CBFA2T2: variants seen among roughly 807,000 people sequenced by gnomAD.
CBFA2T2 encodes CBFA2/RUNX1 partner transcriptional co-repressor 2.
In CBFA2T2, 11 loss-of-function variants were observed where a neutral mutation model predicts 62.2. The observed-to-expected ratio is 0.18, with a 90% CI of 0.11 to 0.29. The LOEUF (loss-of-function observed/expected upper bound fraction) is 0.29. Ranked by LOEUF, CBFA2T2 falls within the 10% of genes least tolerant of loss-of-function variation. CBFA2T2 has a pLI of 1.00. For synonymous variants in CBFA2T2, 295 were observed against 287.5 expected, an observed-to-expected ratio of 1.03 and a Z score of -0.27; for missense variants, 592 against 774.1, an observed-to-expected ratio of 0.76 and a Z score of 2.79.
chr20:33,582,023 AG>A (rs2014140768), intron 1 of CBFA2T2, among the ~76,000 whole-genome samples: 2 of 152,196 alleles, frequency 1.3e-5, no homozygotes, highest in Admixed American at 6.5e-5. Context: ...TGTACTTATA[AG>A]ATTCAGCTAA....
intron 1 of CBFA2T2, among the ~76,000 whole-genome samples, chr20:33,496,529 G>A (rs2011200421): frequency 6.6e-6 from 1 of 152,148 alleles, no homozygotes; most frequent in South Asian, 2.1e-4. Flanking sequence ...CATTAGTGTC[G>A]AGAAAGGTAT....
At position 33,629,708 on chromosome 20, in the gene CBFA2T2, C is replaced by T. The variant is rs781111726; in HGVS notation, c.1033-11C>T. On this transcript the variant is annotated splice_polypyrimidine_tract_variant and intron_variant, in intron 7 of 10. Transcript: ENST00000342704. Reference sequence around the variant, plus strand: ...TTATCTCATCTCTGCCTGGCCCCCTCTGTGACTCAGGCGCTGAATTGCATT... The same window carrying T: ...TTATCTCATCTCTGCCTGGCCCCCTTTGTGACTCAGGCGCTGAATTGCATT... The T allele has an allele frequency of 6.2e-7, 1 of 1,609,036 alleles. No individual in the cohort carries two copies. Among genetic ancestry groups the T allele is most frequent in the Non-Finnish European group, 8.5e-7 (1 of 1,177,592 alleles).
At chr20:33,633,805 G>A (rs972323498) in intron 8 of CBFA2T2, among the ~76,000 whole-genome samples, 2 of 152,124 alleles carry the variant, frequency 1.3e-5, no homozygotes, top group Non-Finnish European at 2.9e-5. Context: ...ACTATGGCTT[G>A]CCATGACTTA....
intron 1 of CBFA2T2, among the ~76,000 whole-genome samples, chr20:33,598,786 A>G (rs1219464131): frequency 2.6e-5 from 4 of 152,232 alleles, no homozygotes; most frequent in Non-Finnish European, 5.9e-5. Flanking sequence ...GGCATAAGAA[A>G]TAAAAGTATT....
chr20:33,631,073 C>T (rs895277606), intron 8 of CBFA2T2, among the ~76,000 whole-genome samples: 7 of 151,866 alleles, frequency 4.6e-5, no homozygotes, highest in South Asian at 4.2e-4. Context: ...CCAGCACTTT[C>T]GGAGGCTGAG....
Position 33,623,446 on chromosome 20 carries a change from G to T in CBFA2T2, c.692+150G>T, listed in dbSNP as rs570339081. 7.0e-6 allele frequency: 6 copies of T among 859,844 alleles called. No homozygotes were observed. The East Asian group carries it at 1.6e-4, about 23-fold the overall frequency. 53.3% of individuals were successfully genotyped at this position (859,844 alleles called of 1,614,324 possible). ...CTGGCTCTGTCGCCCAGACTGGAGC[G>T]CAGTGGTGCAATCTTTGCTCCCTGC... On this transcript the variant is annotated intron_variant, in intron 5 of 10. Coordinates refer to ENST00000342704, the MANE Select transcript of CBFA2T2 (RefSeq NM_001032999.3).
chr20:33,490,579 G>T (rs918456766), intron 1 of CBFA2T2, among the ~76,000 whole-genome samples: 2 of 152,218 alleles, frequency 1.3e-5, no homozygotes, highest in Non-Finnish European at 2.9e-5. Flanking sequence ...GCGTCCATGG[G>T]ACTTGCCGGC....
chr20:33,505,575 G>A (rs949776207), intron 1 of CBFA2T2, among the ~76,000 whole-genome samples: 1 of 152,130 alleles, frequency 6.6e-6, no homozygotes, highest in East Asian at 1.9e-4. Context: ...CTGGAGGTCA[G>A]GAGTTCGAGA....
At chr20:33,524,930 G>A (rs890048842) in intron 1 of CBFA2T2, among the ~76,000 whole-genome samples, 1 of 152,272 alleles carries the variant, frequency 6.6e-6, no homozygotes. Context: ...TGCCTCCCGG[G>A]TTCAAGCAAT....
chr20:33,581,692 G>A (rs2014122382), intron 1 of CBFA2T2, among the ~76,000 whole-genome samples: 1 of 152,200 alleles, frequency 6.6e-6, no homozygotes, highest in African/African-American at 2.4e-5. Context: ...TTAACCACAT[G>A]TGATTGGTAA....
At chr20:33,507,485 C>T (rs2011423999) in intron 1 of CBFA2T2, among the ~76,000 whole-genome samples, 1 of 152,150 alleles carries the variant, frequency 6.6e-6, no homozygotes, top group African/African-American at 2.4e-5. Context: ...AATTTTTGGA[C>T]TGGCTATGTA....
intron 1 of CBFA2T2, among the ~76,000 whole-genome samples, chr20:33,600,156 C>T (rs1157266973): frequency 1.5e-5 from 2 of 135,340 alleles, no homozygotes; most frequent in African/African-American, 5.5e-5. Flanking sequence ...CCATCTTTAG[C>T]AAGTTAGAAT....
chr20:33,598,672 T>C (rs2014994593), intron 1 of CBFA2T2, among the ~76,000 whole-genome samples: 1 of 152,104 alleles, frequency 6.6e-6, no homozygotes, highest in African/African-American at 2.4e-5. Flanking sequence ...GATTAAGAGA[T>C]TAAAGTAAAG....
Position 33,646,400 on chromosome 20 carries a change from A to T in CBFA2T2, c.*1754A>T, listed in dbSNP as rs550646414. The T allele has an allele frequency of 6.6e-6, 1 of 152,306 alleles. No individual in the cohort carries two copies. The highest frequency in any genetic ancestry group is 6.5e-5 in the Admixed American group (1 of 15,286). The allele number at this position is 152,306 out of a possible 1,614,324, so 9.4% of individuals were successfully genotyped here. A position where few individuals can be genotyped will look rare whatever the true frequency, so the allele number is the denominator to read the frequency against. ...TCACACCCAGAAATCAGTTGGAGTA[A>T]GTTTAATTGGCCCTGCTCCAGCTGG... On this transcript the variant is annotated 3_prime_UTR_variant, in exon 11 of 11. Coordinates refer to ENST00000342704, the MANE Select transcript of CBFA2T2 (RefSeq NM_001032999.3).
Position 33,554,577 on chromosome 20 carries a change from T to C in CBFA2T2, c.35-52379T>C, listed in dbSNP as rs544112523. Among the ~76,000 whole-genome samples the C allele has an allele frequency of 3.4e-5, 5 of 148,152 alleles. No homozygotes were observed. In the East Asian group the frequency reaches 5.8e-4, roughly 17 times the overall value. ...TTTTCTTTTTTCTTTTCTTTTCTTT[T>C]CTTTCCTTTTCCTTTTTCTTTTCTT... On this transcript the variant is annotated intron_variant, in intron 1 of 10. Coordinates refer to ENST00000342704, the MANE Select transcript of CBFA2T2 (RefSeq NM_001032999.3).
At chr20:33,587,296 C>A (rs2014413187) in intron 1 of CBFA2T2, among the ~76,000 whole-genome samples, 1 of 149,218 alleles carries the variant, frequency 6.7e-6, no homozygotes, top group South Asian at 2.1e-4. Context: ...GAGATGGAGT[C>A]CTGCTCTGTC....
chr20:33,580,527 C>T (rs151073592), intron 1 of CBFA2T2, among the ~76,000 whole-genome samples: 2 of 152,118 alleles, frequency 1.3e-5, no homozygotes, highest in African/African-American at 4.8e-5. Flanking sequence ...TTTTTATATT[C>T]TTCATTACGC....
At chr20:33,544,975 T>TAGAACAGAACAGAACAGAACAGAAC (rs1568810874) in intron 1 of CBFA2T2, among the ~76,000 whole-genome samples, 2 of 135,522 alleles carry the variant, frequency 1.5e-5, no homozygotes, top group African/African-American at 7.0e-5. Flanking sequence ...TAGAATAGAA[T>TAGAACAGAACAGAACAGAACAGAAC]AGAATAGAAT....
chr20:33,606,066 G>A (rs776322677), intron 1 of CBFA2T2, among the ~76,000 whole-genome samples: 10 of 152,150 alleles, frequency 6.6e-5, no homozygotes, highest in Admixed American at 1.3e-4. Flanking sequence ...TGATCCACCC[G>A]CCTCAGCCTC....
Sources: gnomAD v4.1 joint callset for allele counts (sites outside exome capture counted in the v4.1 genomes callset) on GRCh38, gnomAD v4.1.1 for gene constraint, MANE v1.5 for transcripts, NCBI Gene and HGNC (gene_info 2026-07-23, HGNC 2026-07-21) for gene names.